The following FRMPD4 variants were observed in gnomAD, a reference collection of about 807,000 sequenced individuals.
FRMPD4 encodes FERM and PDZ domain containing 4, also known as FERM and PDZ domain-containing protein 4.
FRMPD4 carries 22 observed loss-of-function variants against 94.1 expected under a neutral mutation model. The observed-to-expected ratio is 0.23, with a 90% CI of 0.17 to 0.33. FRMPD4 has a LOEUF of 0.33. FRMPD4 is among the 10% of genes least tolerant of loss of function. FRMPD4 has a pLI of 1.00. For synonymous variants in FRMPD4, 631 were observed against 548.6 expected, an observed-to-expected ratio of 1.15 and a Z score of -2.10; for missense variants, 1,111 against 1,339.9, an observed-to-expected ratio of 0.83 and a Z score of 2.67.
intron 3 of FRMPD4, among the ~76,000 whole-genome samples, chrX:11,928,336 G>A (rs1357731082): frequency 8.9e-6 from 1 of 112,077 alleles, no homozygotes; most frequent in Non-Finnish European, 1.9e-5. Flanking sequence ...ATGGCTGAAA[G>A]GGAAGCAAGC....
At position 12,056,645 on chromosome X, in the gene FRMPD4, A is replaced by G. The variant is rs190153803; in HGVS notation, c.95+178627A>G. 4.1e-4 allele frequency among the ~76,000 whole-genome samples: 45 copies of G among 110,397 alleles called. No individual in the cohort carries two copies. In the East Asian group the frequency reaches 5.1e-3, roughly 12 times the overall value. On this transcript the variant is annotated intron_variant, in intron 3 of 18. Coordinates refer to the FRMPD4 transcript ENST00000640291. The stretch of plus-strand genomic sequence containing the variant: ...TTTTCAGAGTGCTTTTGAGGCTTTC[A>G]TTTTTGGGGTATTGTTTTCTGAGTC...
intron 6 of FRMPD4, among the ~76,000 whole-genome samples, chrX:12,684,425 G>C (rs2060001215): frequency 8.9e-6 from 1 of 111,920 alleles, no homozygotes; most frequent in Non-Finnish European, 1.9e-5. Flanking sequence ...TGAATCTGAA[G>C]ATGTAGGCCT....
At chrX:12,371,553 T>C (rs2056162759) in intron 1 of FRMPD4, among the ~76,000 whole-genome samples, 1 of 112,544 alleles carries the variant, frequency 8.9e-6, no homozygotes, top group Non-Finnish European at 1.9e-5. Flanking sequence ...AAAGATTCCT[T>C]TGCCTTCAAC....
At chrX:12,314,778 A>G (rs1487899560) in intron 1 of FRMPD4, among the ~76,000 whole-genome samples, 2 of 111,372 alleles carry the variant, frequency 1.8e-5, no homozygotes, top group Non-Finnish European at 1.9e-5. Flanking sequence ...AAGTGACTAG[A>G]GGACAGCTTG....
chrX:12,377,908 C>G (rs763178706), intron 1 of FRMPD4, among the ~76,000 whole-genome samples: 3 of 112,571 alleles, frequency 2.7e-5, no homozygotes, highest in Non-Finnish European at 3.8e-5. Flanking sequence ...TGCATTTGCA[C>G]TGGCTCATTC....
chrX:12,299,220 T>C (rs2147887972), intron 1 of FRMPD4, among the ~76,000 whole-genome samples: 1 of 110,195 alleles, frequency 9.1e-6, no homozygotes, highest in African/African-American at 3.3e-5. Flanking sequence ...TCTAAGTTAG[T>C]TTTTCTTTCC....
At chrX:11,901,560 T>C (rs938603467) in intron 3 of FRMPD4, among the ~76,000 whole-genome samples, 5 of 112,310 alleles carry the variant, frequency 4.5e-5, no homozygotes, top group African/African-American at 1.6e-4. Context: ...CTATAAACCA[T>C]GCGTGTGCAT....
At chrX:12,477,077 T>C (rs766244816) in intron 1 of FRMPD4, among the ~76,000 whole-genome samples, 18 of 112,079 alleles carry the variant, frequency 1.6e-4, no homozygotes, top group Non-Finnish European at 3.0e-4. Flanking sequence ...AACGATAGAC[T>C]AGGTTAAGAA....
chrX:12,431,174 G>C lies in FRMPD4; in HGVS notation c.42-67506G>C, dbSNP rs188002799. Among the ~76,000 whole-genome samples, 414 of 112,769 alleles carry C rather than the reference G, an allele frequency of 3.7e-3. 2 individuals carry two copies. Among genetic ancestry groups the C allele is most frequent in the Non-Finnish European group, 6.2e-3 (328 of 53,319 alleles). ...GCTTTAGGAATGCATATATGAATAA[G>C]ATATGTTTTCTGCTCTCAAGGAATC... is the stretch of plus-strand genomic sequence containing the variant. On this transcript the variant is annotated intron_variant, in intron 1 of 16. Transcript: ENST00000675598.
chrX:12,454,815 GTT>G (rs11443822), intron 1 of FRMPD4, among the ~76,000 whole-genome samples: 1 of 92,511 alleles, frequency 1.1e-5, no homozygotes, highest in Non-Finnish European at 2.1e-5. Context: ...AGAAAGCCAC[GTT>G]TTTTTTTTTT....
At chrX:12,252,265 C>T (rs966445283) in intron 1 of FRMPD4, among the ~76,000 whole-genome samples, 1 of 111,470 alleles carries the variant, frequency 9.0e-6, no homozygotes, top group Admixed American at 9.5e-5. Context: ...AGGGTATGCA[C>T]AGCTTCTCAG....
intron 2 of FRMPD4, among the ~76,000 whole-genome samples, chrX:12,504,652 T>A (rs1053886246): frequency 2.7e-5 from 3 of 112,407 alleles, no homozygotes; most frequent in Non-Finnish European, 5.6e-5. Context: ...TAATCACTGC[T>A]CCCAGCTGGA....
intron 1 of FRMPD4, among the ~76,000 whole-genome samples, chrX:12,265,002 G>A (rs1487949551): frequency 8.9e-6 from 1 of 112,012 alleles, no homozygotes. Context: ...CATTACCACT[G>A]GTAATATATA....
At chrX:11,915,001 T>C (rs1185470402) in intron 3 of FRMPD4, among the ~76,000 whole-genome samples, 7 of 112,127 alleles carry the variant, frequency 6.2e-5, no homozygotes, top group Non-Finnish European at 9.4e-5. Flanking sequence ...ATAGGATATA[T>C]ATTTTTTAGG....
intron 1 of FRMPD4, among the ~76,000 whole-genome samples, chrX:12,484,674 C>A (rs5934009): frequency 0.35 from 39,092 of 110,312 alleles, 6,307 homozygotes; most frequent in African/African-American, 0.64. Context: ...AGTTTCATTC[C>A]ACCCTGTTTA....
chrX:11,840,329 T>C (rs2053527139), intron 1 of FRMPD4, among the ~76,000 whole-genome samples: 1 of 111,792 alleles, frequency 8.9e-6, no homozygotes, highest in Admixed American at 9.5e-5. Flanking sequence ...TTTTATATAA[T>C]ATTGTGGATG....
intron 8 of FRMPD4, 107 bp from the exon 9 acceptor site, chrX:12,694,228 C>T: frequency 9.0e-6 from 5 of 557,430 alleles, no homozygotes; most frequent in Admixed American, 5.8e-5. Context: ...AAAGAATATC[C>T]GCTGATTCTT....
At chrX:12,306,197 A>G (rs186067965) in intron 1 of FRMPD4, among the ~76,000 whole-genome samples, 2 of 111,533 alleles carry the variant, frequency 1.8e-5, no homozygotes, top group East Asian at 5.6e-4. Context: ...TTATTTCCAC[A>G]ATCAGAAGTA....
chrX:11,846,772 C>A (rs771717752), intron 1 of FRMPD4, among the ~76,000 whole-genome samples: 40 of 109,782 alleles, frequency 3.6e-4, no homozygotes, highest in Admixed American at 3.1e-3. Context: ...GAAAAACAAG[C>A]AATGGGGAAA....
Sources: allele counts gnomAD v4.1 joint callset (sites outside exome capture counted in the v4.1 genomes callset), GRCh38; gene constraint gnomAD v4.1.1; transcripts MANE v1.5; gene names NCBI Gene and HGNC (gene_info 2026-07-23, HGNC 2026-07-21).